PIEZO2: variants seen among roughly 807,000 people sequenced by gnomAD.
PIEZO2 encodes piezo-type mechanosensitive ion channel component 2.
Under a neutral mutation model 337.3 loss-of-function variants are expected in PIEZO2, and 172 were observed. That is an observed-to-expected ratio of 0.51 (90% CI 0.45 to 0.58). PIEZO2 has a LOEUF of 0.58. PIEZO2 is among the 20% of genes least tolerant of loss of function. PIEZO2 has a pLI of 0.00. For missense variants in PIEZO2, 3,028 were observed against 3,391.3 expected, an observed-to-expected ratio of 0.89 and a Z score of 2.66; for synonymous variants, 1,251 against 1,228.5, an observed-to-expected ratio of 1.02 and a Z score of -0.38.
chr18:10,871,602 T>G (rs1304548971), intron 4 of PIEZO2, among the ~76,000 whole-genome samples, 187 bp from the exon 5 acceptor site: 1 of 152,224 alleles, frequency 6.6e-6, no homozygotes, highest in African/African-American at 2.4e-5. Flanking sequence ...TTCAGGAAGA[T>G]TCCAGTGTTC....
intron 3 of PIEZO2, among the ~76,000 whole-genome samples, chr18:10,956,171 T>G (rs921468899): frequency 6.6e-6 from 1 of 152,196 alleles, no homozygotes; most frequent in African/African-American, 2.4e-5. Context: ...AAAATGTCAA[T>G]AGCCTAATAA....
At chr18:11,137,734 T>A (rs930617331) in intron 1 of PIEZO2, among the ~76,000 whole-genome samples, 7 of 152,152 alleles carry the variant, frequency 4.6e-5, no homozygotes, top group Admixed American at 4.6e-4. Context: ...TCTAATTCAC[T>A]TCCGTGGTGC....
At chr18:10,763,303 G>C in intron 21 of PIEZO2, 1 of 580,028 alleles carries the variant, frequency 1.7e-6, no homozygotes, top group Non-Finnish European at 3.0e-6. Flanking sequence ...GTCTTGTATG[G>C]CAGACAGACA....
rs1315920083 is a variant in PIEZO2, at chr18:10,899,934, A to T, written c.329+11252T>A. On this transcript the variant is annotated intron_variant, in intron 4 of 55. Coordinates refer to ENST00000674853, the MANE Select transcript of PIEZO2 (RefSeq NM_001378183.1). The surrounding 1 kb of genome is among the most constrained non-coding windows in gnomAD (Gnocchi z 4.6). ...AAGACTGTTTATATTAGTCATAATG[A>T]TCCAATTTAGGAAGATGGAGATTAC... Among the ~76,000 whole-genome samples the T allele has an allele frequency of 6.6e-6, 1 of 152,182 alleles. No individual in the cohort carries two copies. The highest frequency in any genetic ancestry group is 1.5e-5 in the Non-Finnish European group (1 of 68,028).
rs909960155 is a variant in PIEZO2, at chr18:10,888,018, T to C, written c.330-16603A>G. Among the ~76,000 whole-genome samples, 2 of 152,160 alleles carry C rather than the reference T, an allele frequency of 1.3e-5. No individual in the cohort carries two copies. Among genetic ancestry groups the C allele is most frequent in the African/African-American group, 4.8e-5 (2 of 41,436 alleles). ...GATATATTCTGAAATTGCATCAATG[T>C]CCTCTGCCTTATCAAGCTTCCACCC... is the stretch of plus-strand genomic sequence containing the variant. On this transcript the variant is annotated intron_variant, in intron 4 of 55. Transcript: ENST00000674853. The surrounding 1 kb of genome is among the most constrained non-coding windows in gnomAD (Gnocchi z 4.1).
rs1453290268 is a variant in PIEZO2, at chr18:10,766,007, A to G, written c.2947-2909T>C. Reference sequence around the variant, plus strand: ...AAGTCAAATCAGAGGAGGACTAAAGAGCCTCTGTGCGGTGAATATTTTTAT... The same window carrying G: ...AAGTCAAATCAGAGGAGGACTAAAGGGCCTCTGTGCGGTGAATATTTTTAT... On this transcript the variant is annotated intron_variant, in intron 21 of 55. Coordinates refer to ENST00000674853, the MANE Select transcript of PIEZO2 (RefSeq NM_001378183.1). The surrounding 1 kb of genome is among the most constrained non-coding windows in gnomAD (Gnocchi z 6.1). Among the ~76,000 whole-genome samples the G allele has an allele frequency of 6.6e-6, 1 of 152,140 alleles. No homozygotes were observed. Among genetic ancestry groups the G allele is most frequent in the Non-Finnish European group, 1.5e-5 (1 of 68,002 alleles).
intron 3 of PIEZO2, among the ~76,000 whole-genome samples, chr18:10,939,038 A>G (rs1481971197): frequency 1.3e-5 from 2 of 152,064 alleles, no homozygotes; most frequent in African/African-American, 4.8e-5. Context: ...CAGTGAGCCG[A>G]AATCATGTCA....
chr18:10,966,686 A>T (rs992680759), intron 3 of PIEZO2, among the ~76,000 whole-genome samples: 5 of 152,068 alleles, frequency 3.3e-5, no homozygotes, highest in African/African-American at 1.2e-4. Context: ...TAAGTTCTTT[A>T]GTGGTGACTT....
At position 10,899,066 on chromosome 18, in the gene PIEZO2, A is replaced by G. The variant is rs142435928; in HGVS notation, c.329+12120T>C. ...CAGGCAACGGGATTGCACTGGACAC[A>G]TAAGAAGACCCCAGTGGGGCCTGCA... On this transcript the variant is annotated intron_variant, in intron 4 of 55. Transcript: ENST00000674853. This position sits in a 1 kb window ranked among gnomAD's most constrained non-coding sequence, Gnocchi z 4.6. 6.6e-6 allele frequency among the ~76,000 whole-genome samples: 1 copy of G among 152,328 alleles called. No homozygotes were observed. Among genetic ancestry groups the G allele is most frequent in the East Asian group, 1.9e-4 (1 of 5,192 alleles).
chr18:11,061,382 C>A (rs1296989652), intron 2 of PIEZO2, among the ~76,000 whole-genome samples: 1 of 150,438 alleles, frequency 6.6e-6, no homozygotes, highest in African/African-American at 2.4e-5. Context: ...TCCTATTCAA[C>A]ATAGTGTTGG....
At chr18:11,024,870 C>G (rs1034201606) in intron 2 of PIEZO2, among the ~76,000 whole-genome samples, 4 of 151,514 alleles carry the variant, frequency 2.6e-5, no homozygotes, top group Admixed American at 2.0e-4. Flanking sequence ...AACTCCTGAT[C>G]TTAGGTGATC....
At chr18:11,081,659 T>C (rs1463363759) in intron 1 of PIEZO2, among the ~76,000 whole-genome samples, 1 of 152,112 alleles carries the variant, frequency 6.6e-6, no homozygotes, top group African/African-American at 2.4e-5. Flanking sequence ...GATGCCTAGC[T>C]TGGGGAGCTC....
intron 1 of PIEZO2, among the ~76,000 whole-genome samples, chr18:11,086,466 C>T (rs1195675173): frequency 1.3e-5 from 2 of 150,990 alleles, no homozygotes; most frequent in Non-Finnish European, 3.0e-5. Context: ...TTGCAGTGAG[C>T]CGAGATCCCG....
At position 10,940,622 on chromosome 18, in the gene PIEZO2, G is replaced by A. The variant is rs1484233819; in HGVS notation, c.287-29394C>T. ...CTCATGCCTGTAATCCCAACACTTC[G>A]AGAGGCCCAGGCGGGCGGCTCACAA... On this transcript the variant is annotated intron_variant, in intron 3 of 55. Transcript: ENST00000674853. This position sits in a 1 kb window ranked among gnomAD's most constrained non-coding sequence, Gnocchi z 5.3. Among the ~76,000 whole-genome samples the A allele has an allele frequency of 6.6e-6, 1 of 152,136 alleles. No homozygotes were observed. Among genetic ancestry groups the A allele is most frequent in the East Asian group, 1.9e-4 (1 of 5,184 alleles).
At position 11,028,405 on chromosome 18, in the gene PIEZO2, C is replaced by CT. The variant is rs1292200124; in HGVS notation, c.160+37721_160+37722insA. 6.6e-6 allele frequency among the ~76,000 whole-genome samples: 1 copy of CT among 152,022 alleles called. No homozygotes were observed. The highest frequency in any genetic ancestry group is 1.5e-5 in the Non-Finnish European group (1 of 68,012). On this transcript the variant is annotated intron_variant, in intron 2 of 55. Coordinates refer to ENST00000674853, the MANE Select transcript of PIEZO2 (RefSeq NM_001378183.1). This position sits in a 1 kb window ranked among gnomAD's most constrained non-coding sequence, Gnocchi z 4.8. The stretch of plus-strand genomic sequence containing the variant: ...CCTCCTGAGTAGCTGGAAGTACAGG[C>CT]ACGCACATCCACACCTGGGTAATTT...
At chr18:11,106,396 C>A (rs1275741259) in intron 1 of PIEZO2, among the ~76,000 whole-genome samples, 3 of 149,696 alleles carry the variant, frequency 2.0e-5, no homozygotes, top group Admixed American at 1.3e-4. Context: ...CAGCACCCGG[C>A]CCATTTTTTT....
Position 10,672,902 on chromosome 18 carries a change from T to A in PIEZO2, c.8162-29A>T. The A allele has an allele frequency of 1.3e-6, 2 of 1,553,402 alleles. No individual in the cohort carries two copies. Among genetic ancestry groups the A allele is most frequent in the Non-Finnish European group, 1.8e-6 (2 of 1,140,220 alleles). On this transcript the variant is annotated intron_variant, in intron 54 of 55. Transcript: ENST00000674853. The surrounding 1 kb of genome is among the most constrained non-coding windows in gnomAD (Gnocchi z 4.7). ...GAAGGGTAGAAATGCAAAATTAAGT[T>A]GACATGAGAATTTTAGGATTTCATG... is the stretch of plus-strand genomic sequence containing the variant.
rs980493765 is a variant in PIEZO2, at chr18:11,002,245, C to A, written c.161-22585G>T. 6.6e-6 allele frequency among the ~76,000 whole-genome samples: 1 copy of A among 152,172 alleles called. No individual in the cohort carries two copies. The highest frequency in any genetic ancestry group is 1.5e-5 in the Non-Finnish European group (1 of 68,040). On this transcript the variant is annotated intron_variant, in intron 2 of 55. Transcript: ENST00000674853. The surrounding 1 kb of genome is among the most constrained non-coding windows in gnomAD (Gnocchi z 4.3). The stretch of plus-strand genomic sequence containing the variant: ...ATTTTTTCAACCATTTACATTCGCT[C>A]CTAGGTCATACAAAATACAGCAGTG...
At chr18:10,934,164 A>G (rs1053959041) in intron 3 of PIEZO2, among the ~76,000 whole-genome samples, 1 of 152,222 alleles carries the variant, frequency 6.6e-6, no homozygotes, top group South Asian at 2.1e-4. Context: ...TGTGCCACCA[A>G]TGAGATTCCA....
Sources: allele counts gnomAD v4.1 joint callset (sites outside exome capture counted in the v4.1 genomes callset), GRCh38; gene constraint gnomAD v4.1.1; non-coding constraint Gnocchi (gnomAD v3.1); transcripts MANE v1.5; gene names NCBI Gene and HGNC (gene_info 2026-07-23, HGNC 2026-07-21).